The following MAGT1 variants were observed in gnomAD, a reference collection of about 807,000 sequenced individuals.
MAGT1 encodes dolichyl-diphosphooligosaccharide--protein glycosyltransferase subunit MAGT1.
Under a neutral mutation model 28.4 loss-of-function variants are expected in MAGT1, and 4 were observed. The ratio of observed to expected loss-of-function variants is 0.14; its 90% confidence interval spans 0.07 to 0.32. MAGT1 has a LOEUF of 0.32. Ranked by LOEUF, MAGT1 falls within the 10% of genes least tolerant of loss-of-function variation. The pLI is 1.00. For missense variants in MAGT1, 193 were observed against 264.5 expected (o/e 0.73, Z 1.88); for synonymous variants, 89 against 89.7 (o/e 0.99, Z 0.04).
intron 1 of MAGT1, among the ~76,000 whole-genome samples, chrX:77,888,904 T>C (rs1458360591): frequency 4.5e-5 from 5 of 111,088 alleles, no homozygotes; most frequent in African/African-American, 1.6e-4. Context: ...CCCTCAAGAA[T>C]TTATCCTTTG....
At chrX:77,877,170 T>TA (rs1215665406) in intron 1 of MAGT1, among the ~76,000 whole-genome samples, 105 of 102,597 alleles carry the variant, frequency 1.0e-3, no homozygotes, top group Middle Eastern at 5.3e-3. Flanking sequence ...GCAGGATCCA[T>TA]AAAAAAAAAA....
intron 7 of MAGT1, among the ~76,000 whole-genome samples, chrX:77,848,004 G>T (rs1557215173): frequency 8.9e-6 from 1 of 111,737 alleles, no homozygotes; most frequent in Non-Finnish European, 1.9e-5. Context: ...TTTTATCATG[G>T]TTTATGTGCT....
intron 8 of MAGT1, among the ~76,000 whole-genome samples, chrX:77,840,237 T>TA: frequency 1.6e-5 from 1 of 64,434 alleles, no homozygotes; most frequent in Non-Finnish European, 3.1e-5. Context: ...CCGTCTCTAC[T>TA]AAAAATACAA....
At chrX:77,857,312 A>C (rs2076983669) in intron 4 of MAGT1, 45 bp downstream of exon 4, 1 of 1,206,761 alleles carries the variant, frequency 8.3e-7, no homozygotes, top group African/African-American at 1.7e-5. Context: ...TAAGATTCAA[A>C]GGGGATAATG....
At chrX:77,847,810 C>T (rs2076956538) in intron 7 of MAGT1, among the ~76,000 whole-genome samples, 1 of 109,825 alleles carries the variant, frequency 9.1e-6, no homozygotes, top group African/African-American at 3.3e-5. Flanking sequence ...CGGGGTTTAC[C>T]CATGTTGGCT....
At chrX:77,875,370 G>T in intron 2 of MAGT1, 58 bp downstream of exon 2, 1 of 1,141,457 alleles carries the variant, frequency 8.8e-7, no homozygotes, top group Non-Finnish European at 1.2e-6. Context: ...TTCTGGGATT[G>T]AGAAATGGTT....
At chrX:77,840,045 TCAGA>T (rs1428861748) in intron 8 of MAGT1, among the ~76,000 whole-genome samples, 2 of 110,897 alleles carry the variant, frequency 1.8e-5, no homozygotes, top group African/African-American at 3.3e-5. Context: ...TTGAAAATAC[TCAGA>T]CAGAGGACCA....
intron 7 of MAGT1, among the ~76,000 whole-genome samples, chrX:77,848,411 G>C (rs1262319988): frequency 1.8e-5 from 2 of 112,320 alleles, no homozygotes; most frequent in African/African-American, 6.5e-5. Flanking sequence ...AAGACGGGTG[G>C]ATCACCTAAG....
chrX:77,840,629 G>C (rs782189898), intron 8 of MAGT1, among the ~76,000 whole-genome samples: 1 of 111,759 alleles, frequency 8.9e-6, no homozygotes, highest in South Asian at 3.7e-4. Flanking sequence ...GATCACTTGA[G>C]TCCAGGGGTT....
chrX:77,846,975 T>C (rs1277252142), intron 7 of MAGT1, among the ~76,000 whole-genome samples: 1 of 111,927 alleles, frequency 8.9e-6, no homozygotes, highest in Non-Finnish European at 1.9e-5. Context: ...GACAGGGACA[T>C]TTAAGTCTGC....
At chrX:77,847,914 A>G (rs2149015272) in intron 7 of MAGT1, among the ~76,000 whole-genome samples, 1 of 111,261 alleles carries the variant, frequency 9.0e-6, no homozygotes, top group Non-Finnish European at 1.9e-5. Context: ...GCCCGGCCAA[A>G]GATTGATCAT....
At chrX:77,834,165 CAT>C (rs201706016) in intron 8 of MAGT1, among the ~76,000 whole-genome samples, 4,469 of 94,903 alleles carry the variant, frequency 0.047, 131 homozygotes, top group Non-Finnish European at 0.075. Context: ...GACTGTACAC[CAT>C]ATATATATAT....
intron 1 of MAGT1, among the ~76,000 whole-genome samples, chrX:77,881,285 ACTTT>A (rs1315109022): frequency 9.0e-6 from 1 of 110,892 alleles, no homozygotes; most frequent in African/African-American, 3.3e-5. Flanking sequence ...TATTTATTAT[ACTTT>A]AAGTTCTAGG....
intron 3 of MAGT1, among the ~76,000 whole-genome samples, chrX:77,859,553 T>C (rs1313259902): frequency 1.8e-5 from 2 of 111,946 alleles, no homozygotes; most frequent in African/African-American, 6.5e-5. Flanking sequence ...GGTCATGGGA[T>C]AGAAATATTT....
intron 9 of MAGT1, among the ~76,000 whole-genome samples, chrX:77,829,716 G>A (rs1229342220): frequency 9.0e-6 from 1 of 110,683 alleles, no homozygotes; most frequent in Non-Finnish European, 1.9e-5. Flanking sequence ...TTTTTGAGAT[G>A]GGGTCTCACT....
chrX:77,886,142 C>A (rs2077067502), intron 1 of MAGT1, among the ~76,000 whole-genome samples: 1 of 111,451 alleles, frequency 9.0e-6, no homozygotes, highest in African/African-American at 3.3e-5. Flanking sequence ...CTGTTTTGAA[C>A]TGAAAAGAAT....
At chrX:77,880,609 C>T (rs1352574881) in intron 1 of MAGT1, among the ~76,000 whole-genome samples, 1 of 110,183 alleles carries the variant, frequency 9.1e-6, no homozygotes, top group African/African-American at 3.3e-5. Flanking sequence ...ATGCCACACA[C>T]GAAAAACCGA....
intron 1 of MAGT1, among the ~76,000 whole-genome samples, chrX:77,878,790 CAA>C (rs782079163): frequency 6.3e-5 from 2 of 31,652 alleles, no homozygotes; most frequent in Non-Finnish European, 5.9e-5. Context: ...AACTCTATCT[CAA>C]AAAAAAAAAA....
chrX:77,871,853 A>G (rs2077021270), intron 2 of MAGT1, among the ~76,000 whole-genome samples: 1 of 110,295 alleles, frequency 9.1e-6, no homozygotes. Flanking sequence ...AAAAAAAATT[A>G]TTGAAACCTC....
Sources: gnomAD v4.1 joint callset for allele counts (sites outside exome capture counted in the v4.1 genomes callset) on GRCh38, gnomAD v4.1.1 for gene constraint, MANE v1.5 for transcripts, NCBI Gene and HGNC (gene_info 2026-07-23, HGNC 2026-07-21) for gene names.